The following RNPS1 variants were observed in gnomAD, a reference collection of about 807,000 sequenced individuals.
The protein encoded by RNPS1 is RNA-binding protein with serine-rich domain 1.
For synonymous variants in RNPS1, 147 were observed against 150.0 expected, an observed-to-expected ratio of 0.98 and a Z score of 0.15; for missense variants, 300 against 427.6, an observed-to-expected ratio of 0.70 and a Z score of 2.63.
chr16:2,253,818 G>A lies in RNPS1; in HGVS notation c.*146C>T, dbSNP rs769155071. 68 of 754,184 alleles carry A rather than the reference G, an allele frequency of 9.0e-5. 1 individual carries two copies. Among genetic ancestry groups the A allele is most frequent in the Non-Finnish European group, 1.4e-4 (60 of 420,424 alleles). The allele number at this position is 754,184 out of a possible 1,614,324, so 46.7% of individuals were successfully genotyped here. On this transcript the variant is annotated 3_prime_UTR_variant, in exon 8 of 8. Transcript: ENST00000320225. ...AACAGCACTTCTGCAGCCGGGGCCC[G>A]GCTGGCAGAGGGGTGCTGCCTGCTG...
At position 2,253,927 on chromosome 16, in the gene RNPS1, G is replaced by C; in HGVS notation, c.*37C>G. ...AAAGTGACAAAACTGAGCTGGGTGG[G>C]GTATAAGTTACAGGGGCGAGAGCTT... On this transcript the variant is annotated 3_prime_UTR_variant, in exon 8 of 8. Transcript: ENST00000320225. 1 of 1,510,932 alleles carries C rather than the reference G, an allele frequency of 6.6e-7. No individual in the cohort carries two copies. The highest frequency in any genetic ancestry group is 2.5e-5 in the East Asian group (1 of 40,678). 93.6% of individuals were successfully genotyped at this position (1,510,932 alleles called of 1,614,324 possible). A position where few individuals can be genotyped will look rare whatever the true frequency, so the allele number is the denominator to read the frequency against.
chr16:2,261,172 A>ATAC (rs910040136), intron 6 of RNPS1, among the ~76,000 whole-genome samples: 5 of 152,162 alleles, frequency 3.3e-5, no homozygotes, highest in African/African-American at 1.2e-4. Flanking sequence ...GTACACCCAA[A>ATAC]TACTGTTCTC....
rs1385865201 is a variant in RNPS1, at chr16:2,262,425, T to C, written c.529A>G (p.Ile177Val). Reference sequence around the variant, plus strand: ...CCATAGGTGGAAAATATCTCCATGATGTGATCCTAGAGGGAAAGAAGGGTC... The same window carrying C: ...CCATAGGTGGAAAATATCTCCATGACGTGATCCTAGAGGGAAAGAAGGGTC... ...RLTRNVTKDHIMEIFSTYGKI... is the reference protein window; with the variant it reads ...RLTRNVTKDHVMEIFSTYGKI... Residue 177 changes from isoleucine (I) to valine (V), a missense_variant, in exon 6 of 8, where the codon ATC becomes GTC. By Grantham distance (29) the Ile-to-Val change is conservative. Coordinates refer to ENST00000320225, the MANE Select transcript of RNPS1 (RefSeq NM_080594.4). 2 of 1,613,992 alleles carry C rather than the reference T, an allele frequency of 1.2e-6. No homozygotes were observed. Among genetic ancestry groups the C allele is most frequent in the Non-Finnish European group, 1.7e-6 (2 of 1,180,024 alleles).
Position 2,264,550 on chromosome 16 carries a change from G to A in RNPS1, c.71+23C>T, listed in dbSNP as rs548773314. 3.1e-6 allele frequency: 5 copies of A among 1,611,304 alleles called. No individual in the cohort carries two copies. In the African/African-American group the frequency reaches 4.0e-5, roughly 13 times the overall value. On this transcript the variant is annotated intron_variant, in intron 2 of 7. Coordinates refer to ENST00000320225, the MANE Select transcript of RNPS1 (RefSeq NM_080594.4). ...CAGTAAGCACCCCCAAGTAGCACTA[G>A]AAAAATCTTACAGAAGGATTACCTA... is the stretch of plus-strand genomic sequence containing the variant.
intron 7 of RNPS1, among the ~76,000 whole-genome samples, chr16:2,255,075 C>A (rs2093571656): frequency 6.6e-6 from 1 of 152,168 alleles, no homozygotes; most frequent in Non-Finnish European, 1.5e-5. Flanking sequence ...GGGACAGGTC[C>A]CACCTGATGG....
intron 6 of RNPS1, 175 bp from the exon 7 acceptor site, chr16:2,255,901 G>T: frequency 3.0e-6 from 2 of 658,454 alleles, no homozygotes; most frequent in Non-Finnish European, 2.6e-6. Context: ...GCTGAGGCAG[G>T]TGGATCACGA....
intron 1 of RNPS1, chr16:2,265,575 C>T (rs1331462870): frequency 6.6e-6 from 1 of 151,948 alleles, no homozygotes; most frequent in Non-Finnish European, 1.5e-5. Context: ...ACCTCCGCCT[C>T]CCGGGTTCAA....
Position 2,253,697 on chromosome 16 carries a change from G to C in RNPS1, c.*267C>G. On this transcript the variant is annotated 3_prime_UTR_variant, in exon 8 of 8. Coordinates refer to ENST00000320225, the MANE Select transcript of RNPS1 (RefSeq NM_080594.4). ...CCAAGAGCCTCACTTTTCCCTGGTG[G>C]CTCTGCCACTGAACTGACTCTTAGA... 1 of 571,164 alleles carries C rather than the reference G, an allele frequency of 1.8e-6. No individual in the cohort carries two copies. Among genetic ancestry groups the C allele is most frequent in the Non-Finnish European group, 3.1e-6 (1 of 319,308 alleles). The allele number at this position is 571,164 out of a possible 1,614,324, so 35.4% of individuals were successfully genotyped here. A position where few individuals can be genotyped will look rare whatever the true frequency, so the allele number is the denominator to read the frequency against.
chr16:2,261,446 G>A (rs1164543669), intron 6 of RNPS1, among the ~76,000 whole-genome samples: 1 of 152,202 alleles, frequency 6.6e-6, no homozygotes, highest in East Asian at 1.9e-4. Context: ...TCTCTCAGCA[G>A]GAAGCAGCCA....
intron 6 of RNPS1, 71 bp from the exon 7 acceptor site, chr16:2,255,797 A>G: frequency 6.7e-7 from 1 of 1,494,352 alleles, no homozygotes; most frequent in Non-Finnish European, 9.2e-7. Context: ...GCCACAGTGA[A>G]AGACAGGCCT....
chr16:2,253,679 C>A lies in RNPS1; in HGVS notation c.*285G>T. 1 of 554,364 alleles carries A rather than the reference C, an allele frequency of 1.8e-6. No homozygotes were observed. The highest frequency in any genetic ancestry group is 3.2e-6 in the Non-Finnish European group (1 of 308,916). 34.3% of individuals were successfully genotyped at this position (554,364 alleles called of 1,614,324 possible). A position where few individuals can be genotyped will look rare whatever the true frequency, so the allele number is the denominator to read the frequency against. On this transcript the variant is annotated 3_prime_UTR_variant, in exon 8 of 8. Transcript: ENST00000320225. Reference sequence around the variant, plus strand: ...AGCAGGGTCAAACCACCCCCAAGAGCCTCACTTTTCCCTGGTGGCTCTGCC... The same window carrying A: ...AGCAGGGTCAAACCACCCCCAAGAGACTCACTTTTCCCTGGTGGCTCTGCC...
In RNPS1 at chr16:2,259,033, G is replaced by A. The variant is rs1370547574; in HGVS notation, c.676+3245C>T. ...AGCTACTCGGGAGGCTAAGGCAGGA[G>A]AACTGCTTGAACCCAGGAGGCGGAG... On this transcript the variant is annotated intron_variant, in intron 6 of 7. Coordinates refer to ENST00000320225, the MANE Select transcript of RNPS1 (RefSeq NM_080594.4). Among the ~76,000 whole-genome samples the A allele has an allele frequency of 3.4e-5, 5 of 149,192 alleles. 1 individual carries two copies. Among genetic ancestry groups the A allele is most frequent in the Admixed American group, 2.0e-4 (3 of 14,690 alleles).
At chr16:2,254,513 G>A (rs1417409514) in intron 7 of RNPS1, among the ~76,000 whole-genome samples, 1 of 152,094 alleles carries the variant, frequency 6.6e-6, no homozygotes, top group Non-Finnish European at 1.5e-5. Context: ...TAGCCAGGAT[G>A]GTCTCGATCT....
intron 1 of RNPS1, chr16:2,266,908 A>G (rs1210417727): frequency 4.7e-6 from 1 of 213,948 alleles, no homozygotes; most frequent in African/African-American, 2.3e-5. Flanking sequence ...TTAATATTTC[A>G]GTCTTGATTA....
rs1366686086 is a variant in RNPS1 at position 2,267,467 on chromosome 16, G to A, written c.-118+588C>T. The A allele has an allele frequency of 4.1e-6, 4 of 971,758 alleles. No homozygotes were observed. In the African/African-American group the frequency reaches 7.0e-5, roughly 17 times the overall value. 60.2% of individuals were successfully genotyped at this position (971,758 alleles called of 1,614,324 possible). ...GCTCGGCCACCGTGCTCGGTCCATA[G>A]TGGGCCGTATCCCCACGGCCTAGCG... On this transcript the variant is annotated intron_variant, in intron 1 of 7. Transcript: ENST00000320225.
intron 6 of RNPS1, among the ~76,000 whole-genome samples, chr16:2,261,491 C>A (rs1335442622): frequency 2.6e-5 from 4 of 152,190 alleles, no homozygotes; most frequent in Non-Finnish European, 1.5e-5. Flanking sequence ...CTACGATTCT[C>A]GTGATTAATA....
intron 6 of RNPS1, among the ~76,000 whole-genome samples, chr16:2,259,812 C>T (rs1457685017): frequency 6.6e-6 from 1 of 152,114 alleles, no homozygotes; most frequent in Non-Finnish European, 1.5e-5. Context: ...TGGTGTGAAC[C>T]CAGGAGGTGG....
At position 2,268,105 on chromosome 16, in the gene RNPS1, G is replaced by C. The variant is rs1424991144; in HGVS notation, c.-168C>G. On this transcript the variant is annotated 5_prime_UTR_variant, in exon 1 of 8. Coordinates refer to ENST00000320225, the MANE Select transcript of RNPS1 (RefSeq NM_080594.4). ...CTGCTTTCCTCAGCCGCCGAGGCCG[G>C]CGCCGCTCTGACGTCAGAGTCAAGG... 1.3e-6 allele frequency: 2 copies of C among 1,535,058 alleles called. No homozygotes were observed. Among genetic ancestry groups the C allele is most frequent in the Admixed American group, 3.9e-5 (2 of 50,964 alleles).
intron 1 of RNPS1, 36 bp downstream of exon 1, chr16:2,268,018 CG>C: frequency 6.5e-7 from 1 of 1,533,754 alleles, no homozygotes; most frequent in Non-Finnish European, 8.7e-7. Context: ...GGGCAGCCCC[CG>C]AAACACGGAT....
Sources: allele counts gnomAD v4.1 joint callset (sites outside exome capture counted in the v4.1 genomes callset), GRCh38; gene constraint gnomAD v4.1.1; transcripts MANE v1.5; gene names NCBI Gene and HGNC (gene_info 2026-07-23, HGNC 2026-07-21).